The following CLTRN variants were observed in gnomAD, a reference collection of about 807,000 sequenced individuals.
CLTRN encodes the protein collectrin.
Under a neutral mutation model 14.5 loss-of-function variants are expected in CLTRN, and 12 were observed. The ratio of observed to expected loss-of-function variants is 0.83; its 90% confidence interval spans 0.53 to 1.34. The LOEUF (loss-of-function observed/expected upper bound fraction) is 1.34. Among genes scored for constraint, CLTRN ranks in the 40% most tolerant of loss-of-function variants. The probability of loss-of-function intolerance (pLI) is 0.00; values close to 1 mark genes in which losing one functional copy is unlikely to be tolerated. For synonymous variants in CLTRN, 58 were observed against 56.5 expected, an observed-to-expected ratio of 1.03 and a Z score of -0.12; for missense variants, 154 against 165.1, an observed-to-expected ratio of 0.93 and a Z score of 0.37.
chrX:15,664,719 T>C lies in CLTRN; in HGVS notation c.57A>G (p.Pro19=), dbSNP rs781757399. ...TTTTTAAATTTCAAGGCTACATACCTGGTTGACAGAGTTCAGCATGAATGG... is the reference window on the plus strand; with the variant it reads ...TTTTTAAATTTCAAGGCTACATACCCGGTTGACAGAGTTCAGCATGAATGG... ...VTAIHAELCQ[P]GAENAFKVRL... Residue 19 remains proline (P), a splice_region_variant and synonymous_variant, in exon 1 of 6, where the codon CCA becomes CCG. Transcript: ENST00000380342. 5 of 1,203,819 alleles carry C rather than the reference T, an allele frequency of 4.2e-6. No homozygotes were observed. Among genetic ancestry groups the C allele is most frequent in the Admixed American group, 2.2e-5 (1 of 45,534 alleles).
chrX:15,628,155 G>T (rs762930812), intron 5 of CLTRN, 28 bp from the exon 6 acceptor site: 8 of 1,017,475 alleles, frequency 7.9e-6, no homozygotes, highest in Non-Finnish European at 1.0e-5. Context: ...AGAGTGATTG[G>T]CATCTAGAAG....
At chrX:15,656,780 C>T (rs1167256292) in intron 3 of CLTRN, among the ~76,000 whole-genome samples, 2 of 110,698 alleles carry the variant, frequency 1.8e-5, no homozygotes, top group African/African-American at 3.3e-5. Flanking sequence ...AAACACATCT[C>T]GCTCGCCAAT....
intron 4 of CLTRN, among the ~76,000 whole-genome samples, chrX:15,644,603 G>T (rs527740517): frequency 2.7e-5 from 3 of 110,844 alleles, no homozygotes; most frequent in South Asian, 7.6e-4. Flanking sequence ...GTAAGCTATT[G>T]GGTCCCTAAC....
chrX:15,651,723 G>A (rs1198548920), intron 3 of CLTRN, among the ~76,000 whole-genome samples: 1 of 111,357 alleles, frequency 9.0e-6, no homozygotes, highest in Non-Finnish European at 1.9e-5. Context: ...CCATATTCCT[G>A]AAGCTTGGCC....
At chrX:15,668,729 A>T, upstream of CLTRN, among the ~76,000 whole-genome samples, 1 of 111,880 alleles carries the variant, frequency 8.9e-6, no homozygotes, top group South Asian at 3.6e-4. Context: ...ATGTACCAGA[A>T]ATAAAGAGTT....
upstream of CLTRN, among the ~76,000 whole-genome samples, chrX:15,665,723 G>C (rs1285494626): frequency 8.9e-6 from 1 of 112,165 alleles, no homozygotes; most frequent in Non-Finnish European, 1.9e-5. Flanking sequence ...TGACTACATT[G>C]GTCAGTACAG....
chrX:15,645,052 A>G lies in CLTRN; in HGVS notation c.204-23T>C, dbSNP rs369828956. 2.2e-5 allele frequency: 22 copies of G among 997,500 alleles called. No homozygotes were observed. The African/African-American group carries it at 4.2e-4, about 19-fold the overall frequency. The allele number at this position is 997,500 out of a possible 1,213,427, so 82.2% of individuals were successfully genotyped here. On this transcript the variant is annotated intron_variant, in intron 3 of 5. Coordinates refer to ENST00000380342, the MANE Select transcript of CLTRN (RefSeq NM_020665.6). ...ATTCTGCAGACAGTGGAAAGAAAAA[A>G]TACATGAGAAGAATATCATACCAAA... is the stretch of plus-strand genomic sequence containing the variant.
upstream of CLTRN, among the ~76,000 whole-genome samples, chrX:15,669,439 T>C (rs1296946885): frequency 8.9e-6 from 1 of 112,247 alleles, no homozygotes; most frequent in East Asian, 2.8e-4. Context: ...GTTTAGAGCA[T>C]GTAGATTTAA....
At chrX:15,646,694 G>T in intron 3 of CLTRN, 1 of 341,813 alleles carries the variant, frequency 2.9e-6, no homozygotes. Context: ...CCGAGGCCTG[G>T]AGGTGCTTTC....
intron 5 of CLTRN, among the ~76,000 whole-genome samples, chrX:15,632,752 C>T (rs771121354): frequency 1.8e-4 from 19 of 106,463 alleles, no homozygotes; most frequent in African/African-American, 4.8e-4. Flanking sequence ...GGTGTGGTGG[C>T]GGGCGCCTGT....
chrX:15,667,723 GT>G (rs965680598), upstream of CLTRN, among the ~76,000 whole-genome samples: 2 of 109,561 alleles, frequency 1.8e-5, no homozygotes, highest in South Asian at 3.8e-4. Flanking sequence ...GTTGTTTGTT[GT>G]TTTTTTTTAA....
intron 3 of CLTRN, chrX:15,646,483 G>T (rs916726179): frequency 8.9e-6 from 1 of 111,922 alleles, no homozygotes. Flanking sequence ...CGACCCCCGC[G>T]CCAGAAGCAC....
intron 3 of CLTRN, among the ~76,000 whole-genome samples, chrX:15,645,728 T>C (rs938437854): frequency 8.9e-6 from 1 of 111,732 alleles, no homozygotes; most frequent in Admixed American, 9.5e-5. Flanking sequence ...AGGGGAGAAA[T>C]GAAAATAGTG....
At chrX:15,657,243 G>A (rs914089107) in intron 3 of CLTRN, among the ~76,000 whole-genome samples, 3 of 112,034 alleles carry the variant, frequency 2.7e-5, no homozygotes, top group Non-Finnish European at 3.8e-5. Context: ...CAAGTGATCT[G>A]CCTGCCTCGG....
At chrX:15,646,525 C>T (rs1929076836) in intron 3 of CLTRN, 5 of 336,688 alleles carry the variant, frequency 1.5e-5, no homozygotes, top group South Asian at 1.3e-4. Flanking sequence ...TTCCTCAGCT[C>T]CCAGGTCCAG....
rs761106287 is a variant in CLTRN, at chrX:15,659,056, C to T, written c.163G>A (p.Ala55Thr). The change falls in exon 3 of 6, where the codon GCT (alanine) becomes ACT (threonine). Residue 55 changes from alanine (A) to threonine (T), a missense_variant. Physicochemically the swap from Ala to Thr is moderately conservative, Grantham distance 58. Transcript: ENST00000380342. ...NEEYLFKAMV[A>T]FSMRKVPNRE... ...TTGGGAACTTTTCTCATGGAGAAAGCTACCATCGCTTTGAAGAGGTATTCT... is the reference window on the plus strand; with the variant it reads ...TTGGGAACTTTTCTCATGGAGAAAGTTACCATCGCTTTGAAGAGGTATTCT... The T allele has an allele frequency of 1.7e-6, 2 of 1,183,890 alleles. No individual in the cohort carries two copies. The highest frequency in any genetic ancestry group is 2.3e-6 in the Non-Finnish European group (2 of 876,150).
chrX:15,651,505 G>A (rs1929215723), intron 3 of CLTRN, among the ~76,000 whole-genome samples: 1 of 111,349 alleles, frequency 9.0e-6, no homozygotes, highest in Non-Finnish European at 1.9e-5. Flanking sequence ...GATTTCACAT[G>A]GCTTGTCTGC....
intron 5 of CLTRN, among the ~76,000 whole-genome samples, chrX:15,632,180 T>C (rs1928709729): frequency 8.9e-6 from 1 of 111,786 alleles, no homozygotes; most frequent in Admixed American, 9.5e-5. Context: ...GTATCAGGTG[T>C]GGCCCTCAGA....
In CLTRN at chrX:15,664,722, T is replaced by C; in HGVS notation, c.54A>G (p.Gln18=). 1.7e-6 allele frequency: 2 copies of C among 1,206,942 alleles called. No individual in the cohort carries two copies. The highest frequency in any genetic ancestry group is 1.8e-5 in the South Asian group (1 of 56,582). Residue 18 remains glutamine, a synonymous_variant, in exon 1 of 6, where the codon CAA becomes CAG. Coordinates refer to ENST00000380342, the MANE Select transcript of CLTRN (RefSeq NM_020665.6). ...TTAAATTTCAAGGCTACATACCTGG[T>C]TGACAGAGTTCAGCATGAATGGCAG... ...LVTAIHAELC[Q]PGAENAFKVR...
Sources: gnomAD v4.1 joint callset for allele counts (sites outside exome capture counted in the v4.1 genomes callset) on GRCh38, gnomAD v4.1.1 for gene constraint, MANE v1.5 for transcripts, NCBI Gene and HGNC (gene_info 2026-07-23, HGNC 2026-07-21) for gene names.